BICC1: variants seen among roughly 807,000 people sequenced by gnomAD.
BICC1 encodes BicC family RNA binding protein 1.
In BICC1, 43 loss-of-function variants were observed where a neutral mutation model predicts 111.0. The observed-to-expected ratio is 0.39, with a 90% CI of 0.30 to 0.50. The LOEUF is 0.50. Among genes scored for constraint, BICC1 ranks in the 20% least tolerant of loss-of-function variants. The pLI is 0.88. For synonymous variants in BICC1, 467 were observed against 434.4 expected, an observed-to-expected ratio of 1.07 and a Z score of -0.93; for missense variants, 1,091 against 1,203.2, an observed-to-expected ratio of 0.91 and a Z score of 1.38.
At chr10:58,627,005 G>A (rs1837652419) in intron 2 of BICC1, among the ~76,000 whole-genome samples, 1 of 152,136 alleles carries the variant, frequency 6.6e-6, no homozygotes, top group African/African-American at 2.4e-5. Context: ...GGGAGGCTGA[G>A]GCAGGAGAAT....
Position 58,800,732 on chromosome 10 carries a change from G to T in BICC1, c.1859-158G>T, listed in dbSNP as rs1407513297. 2.0e-5 allele frequency among the ~76,000 whole-genome samples: 3 copies of T among 152,150 alleles called. No homozygotes were observed. In the East Asian group the frequency reaches 5.8e-4, roughly 29 times the overall value. ...TCAAATTGAGTTTTTGTGACAACCTGAACTTGTTAAGGTGTTTCTTTGCAG... is the reference window on the plus strand; with the variant it reads ...TCAAATTGAGTTTTTGTGACAACCTTAACTTGTTAAGGTGTTTCTTTGCAG... On this transcript the variant is annotated intron_variant, in intron 13 of 20. Transcript: ENST00000373886.
At chr10:58,655,314 A>G (rs1588978819) in intron 2 of BICC1, among the ~76,000 whole-genome samples, 1 of 141,182 alleles carries the variant, frequency 7.1e-6, no homozygotes, top group South Asian at 2.5e-4. Flanking sequence ...CCTACCCATG[A>G]GCATGGAATG....
chr10:58,817,783 G>A (rs1255306762), intron 19 of BICC1, 61 bp downstream of exon 19: 1 of 1,487,134 alleles, frequency 6.7e-7, no homozygotes, highest in Non-Finnish European at 9.1e-7. Flanking sequence ...ATGACTTCTA[G>A]AATGAAATCA....
intron 1 of BICC1, among the ~76,000 whole-genome samples, chr10:58,540,215 G>A (rs1408711970): frequency 1.3e-5 from 2 of 150,830 alleles, no homozygotes; most frequent in Non-Finnish European, 3.0e-5. Context: ...GACTAGAAAA[G>A]GAAGAACAAG....
intron 1 of BICC1, among the ~76,000 whole-genome samples, chr10:58,607,433 A>G (rs978567623): frequency 6.6e-6 from 1 of 151,764 alleles, no homozygotes; most frequent in East Asian, 1.9e-4. Context: ...AAATTATCCC[A>G]TCCTCCATTC....
At chr10:58,586,880 G>T (rs755018590) in intron 1 of BICC1, among the ~76,000 whole-genome samples, 5 of 152,140 alleles carry the variant, frequency 3.3e-5, no homozygotes, top group African/African-American at 4.8e-5. Flanking sequence ...CAGGAATCAG[G>T]CATCAACCAA....
Position 58,732,371 on chromosome 10 carries a change from G to A in BICC1, c.307+30228G>A, listed in dbSNP as rs1334052495. 4.2e-3 allele frequency among the ~76,000 whole-genome samples: 49 copies of A among 11,800 alleles called. 7 individuals are homozygous for A. The East Asian group carries it at 0.11, about 27-fold the overall frequency. 7.7% of individuals were successfully genotyped at this position (11,800 alleles called of 152,430 possible). A position where few individuals can be genotyped will look rare whatever the true frequency, so the allele number is the denominator to read the frequency against. On this transcript the variant is annotated intron_variant, in intron 3 of 20. Coordinates refer to ENST00000373886, the MANE Select transcript of BICC1 (RefSeq NM_001080512.3). ...GGAGTGTATGTGTGTGTGTGTGTGT[G>A]TGTGTATGTATATATATATATATAT...
intron 2 of BICC1, among the ~76,000 whole-genome samples, chr10:58,667,009 A>G (rs1401935992): frequency 2.6e-5 from 4 of 152,136 alleles, no homozygotes; most frequent in African/African-American, 4.8e-5. Context: ...TCACTTTTCA[A>G]TAATGATCTA....
chr10:58,634,889 A>T (rs1837909312), intron 2 of BICC1, among the ~76,000 whole-genome samples: 1 of 152,170 alleles, frequency 6.6e-6, no homozygotes, highest in South Asian at 2.1e-4. Flanking sequence ...AGGAAGAGAA[A>T]ATACATTAAT....
intron 3 of BICC1, among the ~76,000 whole-genome samples, chr10:58,753,990 C>G (rs1034945557): frequency 6.6e-6 from 1 of 152,052 alleles, no homozygotes; most frequent in African/African-American, 2.4e-5. Flanking sequence ...TTGTGTTTCT[C>G]TTTCATTGAC....
At chr10:58,659,129 T>G (rs1329362566) in intron 2 of BICC1, among the ~76,000 whole-genome samples, 1 of 152,180 alleles carries the variant, frequency 6.6e-6, no homozygotes, top group Non-Finnish European at 1.5e-5. Flanking sequence ...AAGGGAACGC[T>G]TATACACTGC....
intron 1 of BICC1, among the ~76,000 whole-genome samples, chr10:58,605,689 T>C (rs1280260907): frequency 6.6e-6 from 1 of 152,228 alleles, no homozygotes; most frequent in Non-Finnish European, 1.5e-5. Flanking sequence ...GATATGCAAA[T>C]AGTTGTTATA....
At chr10:58,569,957 G>C (rs895816262) in intron 1 of BICC1, among the ~76,000 whole-genome samples, 3 of 152,142 alleles carry the variant, frequency 2.0e-5, no homozygotes, top group South Asian at 4.1e-4. Context: ...GATCCTTGAG[G>C]AATTGCCACA....
rs1476361916 is a variant in BICC1 at position 58,525,363 on chromosome 10, C to T, written c.190+12030C>T. On this transcript the variant is annotated intron_variant, in intron 1 of 20. Transcript: ENST00000373886. Reference sequence around the variant, plus strand: ...ATTAAGAAAATGTGGCACATATACACCATGGAATACTATGCAGCCATAAAA... The same window carrying T: ...ATTAAGAAAATGTGGCACATATACATCATGGAATACTATGCAGCCATAAAA... Among the ~76,000 whole-genome samples, 2 of 112,096 alleles carry T rather than the reference C, an allele frequency of 1.8e-5. 1 individual carries two copies. Among genetic ancestry groups the T allele is most frequent in the Non-Finnish European group, 4.1e-5 (2 of 48,408 alleles). The allele number at this position is 112,096 out of a possible 152,430, so 73.5% of individuals were successfully genotyped here.
chr10:58,785,686 A>G (rs1472373095), intron 4 of BICC1, among the ~76,000 whole-genome samples: 1 of 152,212 alleles, frequency 6.6e-6, no homozygotes, highest in African/African-American at 2.4e-5. Context: ...CTTATTGTAT[A>G]CCAGGCACTT....
At chr10:58,615,901 G>A (rs1845587836) in intron 1 of BICC1, among the ~76,000 whole-genome samples, 1 of 152,158 alleles carries the variant, frequency 6.6e-6, no homozygotes, top group South Asian at 2.1e-4. Context: ...GCCCTGAGAA[G>A]GAGTGAGCTT....
At chr10:58,707,980 A>G (rs1317987734) in intron 3 of BICC1, among the ~76,000 whole-genome samples, 3 of 149,372 alleles carry the variant, frequency 2.0e-5, no homozygotes, top group East Asian at 2.0e-4. Context: ...TACAGGTGTG[A>G]GCCACCGCGC....
At chr10:58,724,561 A>C (rs1217288242) in intron 3 of BICC1, among the ~76,000 whole-genome samples, 1 of 152,196 alleles carries the variant, frequency 6.6e-6, no homozygotes, top group Non-Finnish European at 1.5e-5. Flanking sequence ...GTGCCATCCC[A>C]GGACTATGTA....
chr10:58,538,858 G>T (rs1842889669), intron 1 of BICC1, among the ~76,000 whole-genome samples: 1 of 151,880 alleles, frequency 6.6e-6, no homozygotes, highest in African/African-American at 2.4e-5. Context: ...TCAGGGAAAT[G>T]CAAGTTAAAA....
Sources: gnomAD v4.1 joint callset for allele counts (sites outside exome capture counted in the v4.1 genomes callset) on GRCh38, gnomAD v4.1.1 for gene constraint, MANE v1.5 for transcripts, NCBI Gene and HGNC (gene_info 2026-07-23, HGNC 2026-07-21) for gene names.